RGS5: variants seen among roughly 807,000 people sequenced by gnomAD.
RGS5 encodes the protein regulator of G protein signaling 5.
In RGS5, 20 loss-of-function variants were observed where a neutral mutation model predicts 18.9. The ratio of observed to expected loss-of-function variants is 1.06; its 90% CI spans 0.74 to 1.54. The LOEUF is 1.54. Ranked by LOEUF, RGS5 falls within the 40% of genes most tolerant of loss-of-function variation. The pLI is 0.00. For synonymous variants in RGS5, 57 were observed against 76.2 expected (o/e 0.75, Z 1.31); for missense variants, 201 against 211.8 (o/e 0.95, Z 0.32).
At chr1:163,236,771 G>C (rs1177784466) in intron 2 of RGS5, among the ~76,000 whole-genome samples, 1 of 152,080 alleles carries the variant, frequency 6.6e-6, no homozygotes, top group East Asian at 1.9e-4. Context: ...GACCATCCTG[G>C]CCAACATGGT....
chr1:163,186,051 T>C (rs968048775), intron 1 of RGS5, among the ~76,000 whole-genome samples: 5 of 146,878 alleles, frequency 3.4e-5, no homozygotes, highest in African/African-American at 7.5e-5. Flanking sequence ...ATCTGGCAAA[T>C]AGAAATAGAG....
At chr1:163,249,305 C>T (rs1648035764) in intron 2 of RGS5, among the ~76,000 whole-genome samples, 1 of 152,234 alleles carries the variant, frequency 6.6e-6, no homozygotes, top group South Asian at 2.1e-4. Context: ...TCTCCATCAT[C>T]TTCCCACCTG....
chr1:163,224,930 C>A (rs1349430096), intron 2 of RGS5, among the ~76,000 whole-genome samples: 1 of 151,956 alleles, frequency 6.6e-6, no homozygotes, highest in East Asian at 1.9e-4. Flanking sequence ...GGATACTAAC[C>A]CCTTATCAGA....
At chr1:163,195,676 T>C (rs1659535082) in intron 1 of RGS5, among the ~76,000 whole-genome samples, 1 of 151,992 alleles carries the variant, frequency 6.6e-6, no homozygotes, top group Non-Finnish European at 1.5e-5. Flanking sequence ...TCTTTATTTT[T>C]TTTTAAAAGA....
intron 2 of RGS5, among the ~76,000 whole-genome samples, chr1:163,289,284 A>G (rs1384323207): frequency 2.0e-5 from 3 of 151,702 alleles, no homozygotes; most frequent in African/African-American, 7.3e-5. Context: ...TCCTGCAGTT[A>G]TCTTTCTCTG....
At chr1:163,276,116 T>C (rs1648846053) in intron 2 of RGS5, among the ~76,000 whole-genome samples, 1 of 152,128 alleles carries the variant, frequency 6.6e-6, no homozygotes, top group Admixed American at 6.6e-5. Flanking sequence ...TACCTCAGCC[T>C]CTGGAGTAGC....
intron 1 of RGS5, among the ~76,000 whole-genome samples, chr1:163,215,841 G>A (rs1479043463): frequency 6.6e-6 from 1 of 152,002 alleles, no homozygotes; most frequent in Non-Finnish European, 1.5e-5. Context: ...AAGGTGGGAG[G>A]ATCACTAGAG....
At chr1:163,182,535 C>T (rs535871306) in intron 1 of RGS5, among the ~76,000 whole-genome samples, 1 of 152,126 alleles carries the variant, frequency 6.6e-6, no homozygotes, top group South Asian at 2.1e-4. Context: ...GAGTAGGTTA[C>T]TGGGGGTAAG....
At chr1:163,264,695 T>C (rs1027924712) in intron 2 of RGS5, among the ~76,000 whole-genome samples, 3 of 152,190 alleles carry the variant, frequency 2.0e-5, no homozygotes, top group Admixed American at 1.3e-4. Context: ...ATCTCTGAAA[T>C]GGTAAATTCC....
intron 2 of RGS5, among the ~76,000 whole-genome samples, chr1:163,223,876 G>T (rs139838636): frequency 5.9e-5 from 9 of 152,210 alleles, no homozygotes; most frequent in South Asian, 2.1e-4. Flanking sequence ...TTATAGGTCT[G>T]GGAGCAACAT....
chr1:163,167,977 G>A (rs986494617), intron 2 of RGS5, among the ~76,000 whole-genome samples: 1 of 152,098 alleles, frequency 6.6e-6, no homozygotes, highest in Non-Finnish European at 1.5e-5. Context: ...CATTTTATAA[G>A]TATGGTCTGT....
intron 2 of RGS5, among the ~76,000 whole-genome samples, chr1:163,296,671 C>T (rs1649426285): frequency 6.6e-6 from 1 of 152,124 alleles, no homozygotes; most frequent in African/African-American, 2.4e-5. Flanking sequence ...TTAACCTTTT[C>T]CTTTTGTTTA....
intron 2 of RGS5, among the ~76,000 whole-genome samples, chr1:163,289,221 C>T (rs1019860000): frequency 2.0e-5 from 3 of 151,888 alleles, no homozygotes; most frequent in Admixed American, 1.3e-4. Flanking sequence ...CTTCCTGCCT[C>T]CACCCTTTTC....
At chr1:163,192,880 T>C (rs1008339541) in intron 1 of RGS5, among the ~76,000 whole-genome samples, 1 of 152,210 alleles carries the variant, frequency 6.6e-6, no homozygotes, top group African/African-American at 2.4e-5. Context: ...ATATCTCTCA[T>C]AAACTATCAC....
intron 2 of RGS5, among the ~76,000 whole-genome samples, chr1:163,297,855 TAAAC>T (rs1230590510): frequency 1.3e-5 from 2 of 152,182 alleles, no homozygotes; most frequent in Admixed American, 6.6e-5. Flanking sequence ...AAATTTATAA[TAAAC>T]AAATTATTTT....
intron 3 of RGS5, among the ~76,000 whole-genome samples, chr1:163,157,490 C>T (rs1392553491): frequency 6.6e-6 from 1 of 152,174 alleles, no homozygotes; most frequent in Non-Finnish European, 1.5e-5. Flanking sequence ...AGCAACTTAA[C>T]TGTCTTATAT....
chr1:163,314,661 G>T (rs1199890142), intron 1 of RGS5, among the ~76,000 whole-genome samples: 1 of 151,940 alleles, frequency 6.6e-6, no homozygotes, highest in Non-Finnish European at 1.5e-5. Context: ...ATGAATATTT[G>T]TGTCTCCCCA....
intron 2 of RGS5, among the ~76,000 whole-genome samples, chr1:163,224,984 G>A (rs1588279): frequency 0.16 from 23,698 of 151,812 alleles, 2,169 homozygotes; most frequent in Non-Finnish European, 0.2. Flanking sequence ...AGGTTGTCTC[G>A]TCACTCTGTT....
At chr1:163,311,800 TGAGA>T (rs1649871152) in intron 1 of RGS5, among the ~76,000 whole-genome samples, 1 of 152,176 alleles carries the variant, frequency 6.6e-6, no homozygotes, top group Non-Finnish European at 1.5e-5. Flanking sequence ...TTTAAAATAT[TGAGA>T]GAATTACCAA....
Sources: allele counts gnomAD v4.1 joint callset (sites outside exome capture counted in the v4.1 genomes callset), GRCh38; gene constraint gnomAD v4.1.1; transcripts MANE v1.5; gene names NCBI Gene and HGNC (gene_info 2026-07-23, HGNC 2026-07-21).